ZNF682: variants seen among roughly 807,000 people sequenced by gnomAD.
The protein encoded by ZNF682 is zinc finger protein 682.
In ZNF682, 29 loss-of-function variants were observed where a neutral mutation model predicts 36.5. That is an observed-to-expected ratio of 0.80 (90% CI 0.59 to 1.08). ZNF682 has a LOEUF of 1.08. ZNF682 is among the 50% of genes least tolerant of loss of function. The probability of loss-of-function intolerance (pLI) is 0.00; values close to 1 mark genes in which losing one functional copy is unlikely to be tolerated. For synonymous variants in ZNF682, 180 were observed against 197.0 expected (o/e 0.91, Z 0.72); for missense variants, 561 against 579.7 (o/e 0.97, Z 0.33).
intron 3 of ZNF682, among the ~76,000 whole-genome samples, chr19:20,019,047 A>G (rs994700577): frequency 2.6e-5 from 4 of 152,230 alleles, no homozygotes; most frequent in African/African-American, 9.6e-5. Flanking sequence ...TCTAAAACTC[A>G]ACAAAAAGTG....
intron 1 of ZNF682, among the ~76,000 whole-genome samples, chr19:20,027,917 TCA>T (rs970713869): frequency 1.1e-4 from 17 of 152,110 alleles, no homozygotes; most frequent in Admixed American, 7.9e-4. Context: ...TGAGACTGTC[TCA>T]CACACACAAA....
At chr19:20,033,100 T>G (rs2088494488) in intron 1 of ZNF682, among the ~76,000 whole-genome samples, 1 of 152,114 alleles carries the variant, frequency 6.6e-6, no homozygotes, top group South Asian at 2.1e-4. Flanking sequence ...ACCCCGCCTT[T>G]ACTAAAAATA....
intron 3 of ZNF682, chr19:20,015,295 C>G: frequency 3.0e-6 from 3 of 985,100 alleles, no homozygotes; most frequent in South Asian, 9.4e-5. Context: ...TCACTGATGA[C>G]CAACAAAAAT....
At chr19:20,016,921 G>A (rs1044821415) in intron 3 of ZNF682, among the ~76,000 whole-genome samples, 4 of 152,016 alleles carry the variant, frequency 2.6e-5, no homozygotes, top group African/African-American at 7.2e-5. Context: ...TACGCAATAC[G>A]AAATGATATA....
At position 20,039,424 on chromosome 19, in the gene ZNF682, G is replaced by A. The variant is rs370667911; in HGVS notation, c.-79C>T. 10 of 1,588,870 alleles carry A rather than the reference G, an allele frequency of 6.3e-6. No individual in the cohort carries two copies. Among genetic ancestry groups the A allele is most frequent in the Admixed American group, 3.3e-5 (2 of 59,828 alleles). ...CAAGTCAGAGGGCAACAGAGGCTGCGACAGTCACCGGGAACTACTAGAGCA... is the reference window on the plus strand; with the variant it reads ...CAAGTCAGAGGGCAACAGAGGCTGCAACAGTCACCGGGAACTACTAGAGCA... On this transcript the variant is annotated 5_prime_UTR_variant, in exon 1 of 4. Coordinates refer to ENST00000397165, the MANE Select transcript of ZNF682 (RefSeq NM_033196.3).
intron 1 of ZNF682, chr19:20,039,029 T>C: frequency 1.3e-6 from 1 of 780,302 alleles, no homozygotes; most frequent in Non-Finnish European, 1.8e-6. Context: ...ACACGGGGTC[T>C]GGACTCTGCC....
chr19:20,017,963 T>C (rs1053061708), intron 3 of ZNF682, among the ~76,000 whole-genome samples: 4 of 152,004 alleles, frequency 2.6e-5, no homozygotes, highest in African/African-American at 9.7e-5. Context: ...TAATTTCATT[T>C]TGTTAAGATG....
At chr19:20,014,059 G>A (rs2088313324) in intron 3 of ZNF682, among the ~76,000 whole-genome samples, 2 of 152,168 alleles carry the variant, frequency 1.3e-5, no homozygotes, top group Non-Finnish European at 2.9e-5. Flanking sequence ...AGTGCCCAAA[G>A]TAATGTTCAG....
At chr19:20,023,171 T>C in intron 2 of ZNF682, 72 bp from the exon 3 acceptor site, 2 of 1,333,082 alleles carry the variant, frequency 1.5e-6, no homozygotes, top group Non-Finnish European at 2.1e-6. Context: ...TTGTGCTCTG[T>C]AGATAAGAGA....
In ZNF682 at chr19:20,006,541, C is replaced by A. The variant is rs1291427972; in HGVS notation, c.961G>T (p.Ala321Ser). 1 of 1,613,994 alleles carries A rather than the reference C, an allele frequency of 6.2e-7. No homozygotes were observed. Among genetic ancestry groups the A allele is most frequent in the Admixed American group, 1.7e-5 (1 of 60,008 alleles). ...GTAAGTAGTGAGCAGTGGTTAAAGGCTTTCCCACATTCTTTACATTTGTAG... is the reference window on the plus strand; with the variant it reads ...GTAAGTAGTGAGCAGTGGTTAAAGGATTTCCCACATTCTTTACATTTGTAG... Reference protein sequence around the residue: ...KPYKCKECGKAFNHCSLLTIH... With the variant: ...KPYKCKECGKSFNHCSLLTIH... Residue 321 changes from alanine to serine, a missense_variant, in exon 4 of 4, where the codon GCC (alanine) becomes TCC (serine). Ala to Ser is a moderately conservative substitution (Grantham distance 99). Coordinates refer to ENST00000397165, the MANE Select transcript of ZNF682 (RefSeq NM_033196.3).
At chr19:20,035,873 T>A (rs1399645630) in intron 1 of ZNF682, among the ~76,000 whole-genome samples, 1 of 151,984 alleles carries the variant, frequency 6.6e-6, no homozygotes, top group Non-Finnish European at 1.5e-5. Context: ...GTAGCAGGGA[T>A]TACAGGCGTT....
At chr19:20,000,873 T>A (rs1385522048), downstream of ZNF682, among the ~76,000 whole-genome samples, 1 of 152,134 alleles carries the variant, frequency 6.6e-6, no homozygotes, top group African/African-American at 2.4e-5. Context: ...AACTCCTCCA[T>A]CTCTTTGGAA....
At chr19:20,032,578 T>C (rs1237339584) in intron 1 of ZNF682, among the ~76,000 whole-genome samples, 4 of 152,192 alleles carry the variant, frequency 2.6e-5, no homozygotes, top group Admixed American at 2.6e-4. Flanking sequence ...GTACCTTACA[T>C]GTTTATATCA....
chr19:20,035,818 C>T (rs1471392618), intron 1 of ZNF682, among the ~76,000 whole-genome samples: 4 of 151,970 alleles, frequency 2.6e-5, no homozygotes, highest in Non-Finnish European at 2.9e-5. Context: ...TCACTGCAAC[C>T]TCTGCCTCCC....
At chr19:20,014,031 A>G (rs2088313076) in intron 3 of ZNF682, among the ~76,000 whole-genome samples, 1 of 152,240 alleles carries the variant, frequency 6.6e-6, no homozygotes, top group Admixed American at 6.5e-5. Flanking sequence ...AAGAATTAAT[A>G]CTGTACAACA....
intron 1 of ZNF682, among the ~76,000 whole-genome samples, chr19:20,026,674 C>T (rs945394823): frequency 2.6e-5 from 4 of 152,098 alleles, no homozygotes; most frequent in African/African-American, 9.7e-5. Flanking sequence ...CCAGGTGGCT[C>T]TGGCTGGTCT....
intron 3 of ZNF682, among the ~76,000 whole-genome samples, chr19:20,009,068 G>C (rs545812749): frequency 9.2e-5 from 14 of 152,154 alleles, no homozygotes; most frequent in African/African-American, 3.1e-4. Context: ...AAATTCAAAA[G>C]GAAAAGAAGC....
At chr19:19,999,103 T>C (rs997956347) in intron 3 of ZNF682, among the ~76,000 whole-genome samples, 1 of 152,112 alleles carries the variant, frequency 6.6e-6, no homozygotes, top group Admixed American at 6.5e-5. Flanking sequence ...ACCCGAAGTG[T>C]GCAGTCTGCA....
chr19:20,016,613 G>A (rs1016428319), intron 3 of ZNF682, among the ~76,000 whole-genome samples: 9 of 151,998 alleles, frequency 5.9e-5, no homozygotes, highest in Admixed American at 3.3e-4. Flanking sequence ...GATGGTATCA[G>A]CAAATTAAAG....
Sources: allele counts gnomAD v4.1 joint callset (sites outside exome capture counted in the v4.1 genomes callset), GRCh38; gene constraint gnomAD v4.1.1; transcripts MANE v1.5; gene names NCBI Gene and HGNC (gene_info 2026-07-23, HGNC 2026-07-21).